CPPED1: variants seen among roughly 807,000 people sequenced by gnomAD.
CPPED1 encodes serine/threonine-protein phosphatase CPPED1.
In CPPED1, 28 loss-of-function variants were observed where a neutral mutation model predicts 28.0. That is an observed-to-expected ratio of 1.00 (90% CI 0.74 to 1.37). The LOEUF (loss-of-function observed/expected upper bound fraction) is 1.37, where lower values mean the gene tolerates loss of function less well. Among genes scored for constraint, CPPED1 ranks in the 40% most tolerant of loss-of-function variants. The probability of loss-of-function intolerance (pLI) is 0.00; values close to 1 mark genes in which losing one functional copy is unlikely to be tolerated. For missense variants in CPPED1, 504 were observed against 416.5 expected (o/e 1.21, Z -1.83); for synonymous variants, 198 against 180.2 (o/e 1.10, Z -0.79).
chr16:12,743,612 T>C (rs1299608824), intron 2 of CPPED1, among the ~76,000 whole-genome samples: 1 of 152,208 alleles, frequency 6.6e-6, no homozygotes. Context: ...CAAAGTACTC[T>C]AAGTTACCAA....
At position 12,803,842 on chromosome 16, in the gene CPPED1, A is replaced by C; in HGVS notation, c.-66T>G. 6.8e-7 allele frequency: 1 copy of C among 1,471,434 alleles called. No homozygotes were observed. The highest frequency in any genetic ancestry group is 1.2e-5 in the South Asian group (1 of 80,548). 91.1% of individuals were successfully genotyped at this position (1,471,434 alleles called of 1,614,324 possible). Reference sequence around the variant, plus strand: ...GTGGAAGCCGCGCGACTTCACACAGAACAACCGCTGGACCTGTCCCGCTTT... The same window carrying C: ...GTGGAAGCCGCGCGACTTCACACAGCACAACCGCTGGACCTGTCCCGCTTT... On this transcript the variant is annotated 5_prime_UTR_variant, in exon 1 of 4. Transcript: ENST00000381774.
At chr16:12,734,262 G>A (rs2141207227) in intron 2 of CPPED1, among the ~76,000 whole-genome samples, 1 of 152,012 alleles carries the variant, frequency 6.6e-6, no homozygotes, top group Non-Finnish European at 1.5e-5. Context: ...TAGAAACGGG[G>A]CTTTGCGATG....
chr16:12,781,375 G>C lies in CPPED1; in HGVS notation c.99C>G (p.Phe33Leu). 11 of 1,614,118 alleles carry C rather than the reference G, an allele frequency of 6.8e-6. No homozygotes were observed. Among genetic ancestry groups the C allele is most frequent in the Non-Finnish European group, 8.5e-6 (10 of 1,180,018 alleles). ...GTGGGTCTGCGCCCAGGATGAAGTAGAATGGGCCTTTCCATTCGCTTTCCT... is the reference window on the plus strand; with the variant it reads ...GTGGGTCTGCGCCCAGGATGAAGTACAATGGGCCTTTCCATTCGCTTTCCT... ...AEKESEWKGP[F>L]YFILGADPQF... Residue 33 changes from phenylalanine to leucine, a missense_variant, in exon 2 of 4, where the codon TTC (phenylalanine) becomes TTG (leucine). Transcript: ENST00000381774.
In CPPED1 at chr16:12,676,286, G is replaced by A. The variant is rs115273919; in HGVS notation, c.716-11171C>T. Reference sequence around the variant, plus strand: ...CCCTCTTGGTGCCAGGTATTAAGGAGTGTGGTGGGATCAACCATTCCCAGC... The same window carrying A: ...CCCTCTTGGTGCCAGGTATTAAGGAATGTGGTGGGATCAACCATTCCCAGC... On this transcript the variant is annotated intron_variant, in intron 3 of 3. Coordinates refer to ENST00000381774, the MANE Select transcript of CPPED1 (RefSeq NM_018340.3). Among the ~76,000 whole-genome samples the A allele has an allele frequency of 5.3e-3, 809 of 152,282 alleles. 4 individuals carry two copies. The highest frequency in any genetic ancestry group is 0.018 in the African/African-American group (755 of 41,540).
chr16:12,717,569 C>A (rs2080114012), intron 2 of CPPED1, among the ~76,000 whole-genome samples: 1 of 151,934 alleles, frequency 6.6e-6, no homozygotes, highest in African/African-American at 2.4e-5. Context: ...CGGCTGGGAT[C>A]ATTTTTTAGT....
intron 2 of CPPED1, among the ~76,000 whole-genome samples, chr16:12,773,821 C>G (rs775837053): frequency 2.0e-4 from 30 of 152,190 alleles, no homozygotes; most frequent in African/African-American, 2.4e-5. Flanking sequence ...TTGGCATCAC[C>G]GCGATTCCTG....
At chr16:12,746,421 C>T (rs2080288797) in intron 2 of CPPED1, among the ~76,000 whole-genome samples, 1 of 149,408 alleles carries the variant, frequency 6.7e-6, no homozygotes. Flanking sequence ...GACAAACTTT[C>T]CAAAACAAAG....
rs1316199716 is a variant in CPPED1, at chr16:12,781,224, A to T, written c.250T>A (p.Phe84Ile). Residue 84 changes from phenylalanine (F) to isoleucine (I), a missense_variant, in exon 2 of 4, where the codon TTC (phenylalanine) becomes ATC (isoleucine). By Grantham distance (21) the Phe-to-Ile change is conservative (BLOSUM62 0). Transcript: ENST00000381774. The stretch of plus-strand genomic sequence containing the variant: ...ATGAGGTCGCCGCACAGAACGAAGA[A>T]TTTGGGTTTGGGGTTCAGCTTGTTG... The part of the protein sequence containing the change: ...AINKLNPKPK[F>I]FVLCGDLIHA... The T allele has an allele frequency of 6.2e-7, 1 of 1,614,090 alleles. No individual in the cohort carries two copies. Among genetic ancestry groups the T allele is most frequent in the South Asian group, 1.1e-5 (1 of 91,068 alleles).
intron 2 of CPPED1, among the ~76,000 whole-genome samples, chr16:12,721,377 G>C (rs1186362823): frequency 6.6e-6 from 1 of 152,184 alleles, no homozygotes; most frequent in Non-Finnish European, 1.5e-5. Context: ...AGAAACAAAT[G>C]GCAAACCCAA....
rs1414843382 is a variant in CPPED1 at position 12,752,208 on chromosome 16, T to C, written c.289+28977A>G. 2.6e-5 allele frequency among the ~76,000 whole-genome samples: 4 copies of C among 152,124 alleles called. No homozygotes were observed. The South Asian group carries it at 8.3e-4, about 32-fold the overall frequency. ...AAGGCTCCTGCTTTCTTTAAGAAAG[T>C]CTATTAAAAAAACATCACAGGCTGT... On this transcript the variant is annotated intron_variant, in intron 2 of 3. Coordinates refer to ENST00000381774, the MANE Select transcript of CPPED1 (RefSeq NM_018340.3).
chr16:12,773,615 C>T lies in CPPED1; in HGVS notation c.289+7570G>A, dbSNP rs563939099. ...GTGCACACCTGTAACTCCAGCTGCT[C>T]GAGGCTGAGGCATGAGAATTGCTTG... On this transcript the variant is annotated intron_variant, in intron 2 of 3. Transcript: ENST00000381774. 2.6e-5 allele frequency among the ~76,000 whole-genome samples: 4 copies of T among 152,054 alleles called. No homozygotes were observed. In the South Asian group the frequency reaches 6.2e-4, roughly 24 times the overall value.
intron 2 of CPPED1, among the ~76,000 whole-genome samples, chr16:12,723,615 A>G (rs904362339): frequency 2.6e-5 from 4 of 152,160 alleles, no homozygotes; most frequent in African/African-American, 9.7e-5. Context: ...AGCTTCCAGA[A>G]CGGTGAGAAA....
At chr16:12,716,567 G>A (rs1046216802) in intron 2 of CPPED1, among the ~76,000 whole-genome samples, 1 of 152,196 alleles carries the variant, frequency 6.6e-6, no homozygotes, top group Non-Finnish European at 1.5e-5. Context: ...AGGTGTTTGT[G>A]GCTACGCCCC....
rs71393703 is a variant in CPPED1 at position 12,766,242 on chromosome 16, A to AATATATATATATATATATATATATATAT, written c.289+14942_289+14943insATATATATATATATATATATATATATAT. Among the ~76,000 whole-genome samples the AATATATATATATATATATATATATATAT allele has an allele frequency of 1.2e-4, 15 of 126,634 alleles. 2 individuals are homozygous for AATATATATATATATATATATATATATAT. The highest frequency in any genetic ancestry group is 4.8e-4 in the African/African-American group (13 of 26,908). 83.1% of individuals were successfully genotyped at this position (126,634 alleles called of 152,430 possible). A position where few individuals can be genotyped will look rare whatever the true frequency, so the allele number is the denominator to read the frequency against. ...ACCCCATCTCTACAAAAAAAATACA[A>AATATATATATATATATATATATATATAT]ATATATATATATATAGAGAGAGAGA... is the stretch of plus-strand genomic sequence containing the variant. On this transcript the variant is annotated intron_variant, in intron 2 of 3. Transcript: ENST00000381774.
At chr16:12,695,541 G>A (rs557380185) in intron 3 of CPPED1, among the ~76,000 whole-genome samples, 1 of 152,322 alleles carries the variant, frequency 6.6e-6, no homozygotes. Flanking sequence ...ATAGTGCTGG[G>A]ATTACAGGTG....
intron 2 of CPPED1, among the ~76,000 whole-genome samples, chr16:12,747,520 G>A (rs908923411): frequency 6.6e-6 from 1 of 151,974 alleles, no homozygotes; most frequent in Non-Finnish European, 1.5e-5. Flanking sequence ...ACATCATACT[G>A]AAAAATCACT....
intron 1 of CPPED1, among the ~76,000 whole-genome samples, chr16:12,797,194 T>A (rs1232777272): frequency 1.3e-5 from 2 of 152,076 alleles, no homozygotes; most frequent in Non-Finnish European, 1.5e-5. Flanking sequence ...GTTAATAAAA[T>A]CCCTTGAGTT....
At chr16:12,769,449 G>A (rs1596478461) in intron 2 of CPPED1, among the ~76,000 whole-genome samples, 2 of 152,146 alleles carry the variant, frequency 1.3e-5, no homozygotes, top group African/African-American at 4.8e-5. Flanking sequence ...AGGACTGACA[G>A]CAGCCAGTGT....
intron 1 of CPPED1, among the ~76,000 whole-genome samples, chr16:12,795,810 G>A (rs943616279): frequency 4.6e-5 from 7 of 152,172 alleles, no homozygotes; most frequent in Non-Finnish European, 1.5e-5. Flanking sequence ...GAGGCCAGGC[G>A]TGGTGGCTTA....
Sources: allele counts gnomAD v4.1 joint callset (sites outside exome capture counted in the v4.1 genomes callset), GRCh38; gene constraint gnomAD v4.1.1; transcripts MANE v1.5; gene names NCBI Gene and HGNC (gene_info 2026-07-23, HGNC 2026-07-21).